Variants in FBXL20 observed in about 807,000 individuals in gnomAD.
FBXL20 encodes F-box/LRR-repeat protein 20.
Under a neutral mutation model 64.0 loss-of-function variants are expected in FBXL20, and 11 were observed. The observed-to-expected ratio is 0.17, with a 90% CI of 0.11 to 0.28. FBXL20 has a LOEUF of 0.28. FBXL20 is among the 10% of genes least tolerant of loss of function. The pLI is 1.00. For missense variants in FBXL20, 303 were observed against 526.2 expected (o/e 0.58, Z 4.15); for synonymous variants, 184 against 189.0 (o/e 0.97, Z 0.22).
rs542602446 is a variant in FBXL20 at position 39,397,855 on chromosome 17, C to G, written c.42+3506G>C. Among the ~76,000 whole-genome samples the G allele has an allele frequency of 1.6e-4, 22 of 140,236 alleles. No individual in the cohort carries two copies. In the East Asian group the frequency reaches 4.6e-3, roughly 29 times the overall value. The allele number at this position is 140,236 out of a possible 152,430, so 92.0% of individuals were successfully genotyped here. A position where few individuals can be genotyped will look rare whatever the true frequency, so the allele number is the denominator to read the frequency against. On this transcript the variant is annotated intron_variant, in intron 1 of 14. Coordinates refer to ENST00000264658, the MANE Select transcript of FBXL20 (RefSeq NM_032875.3). The stretch of plus-strand genomic sequence containing the variant: ...AAAAAAAGCAGGATGACAGTGGAGT[C>G]AAAAAAAAAAAATGCAGATTGGAAT...
At chr17:39,329,588 A>G (rs1446329654) in intron 2 of FBXL20, among the ~76,000 whole-genome samples, 2 of 152,182 alleles carry the variant, frequency 1.3e-5, no homozygotes, top group Admixed American at 6.6e-5. Context: ...GTATCTATCT[A>G]TCTATCTTAG....
At chr17:39,324,836 CA>C (rs1177034112) in intron 2 of FBXL20, among the ~76,000 whole-genome samples, 1 of 152,034 alleles carries the variant, frequency 6.6e-6, no homozygotes, top group Non-Finnish European at 1.5e-5. Context: ...TCTCTTAATC[CA>C]AATCCAACTG....
chr17:39,338,484 T>C (rs1217220509), intron 2 of FBXL20, among the ~76,000 whole-genome samples: 2 of 152,122 alleles, frequency 1.3e-5, no homozygotes, highest in African/African-American at 4.8e-5. Context: ...ACTATTGTCC[T>C]ATGACCCTGC....
At chr17:39,346,096 A>C (rs1191067667) in intron 1 of FBXL20, among the ~76,000 whole-genome samples, 2 of 152,046 alleles carry the variant, frequency 1.3e-5, no homozygotes, top group African/African-American at 4.8e-5. Context: ...CCAAGGTGGG[A>C]GGATGGCTTG....
intron 2 of FBXL20, among the ~76,000 whole-genome samples, chr17:39,313,924 A>G (rs2047260856): frequency 6.6e-6 from 1 of 152,128 alleles, no homozygotes; most frequent in Non-Finnish European, 1.5e-5. Context: ...CATGAACCAC[A>G]GTGCCCGGCC....
chr17:39,287,115 G>A (rs544136329), intron 6 of FBXL20, among the ~76,000 whole-genome samples: 16 of 151,918 alleles, frequency 1.1e-4, no homozygotes, highest in African/African-American at 3.9e-4. Context: ...TTTTCACCAT[G>A]TTGGCCAGGC....
chr17:39,295,958 T>A (rs1297703754), intron 6 of FBXL20, among the ~76,000 whole-genome samples: 3 of 152,038 alleles, frequency 2.0e-5, no homozygotes, highest in Non-Finnish European at 4.4e-5. Flanking sequence ...TAATAGACAT[T>A]GGGGAGTTTC....
intron 14 of FBXL20, 25 bp from the exon 15 acceptor site, chr17:39,261,592 C>A: frequency 3.2e-6 from 5 of 1,542,962 alleles, no homozygotes; most frequent in Non-Finnish European, 4.5e-6. Flanking sequence ...AAACATTAAA[C>A]GTTTAAGAGA....
intron 13 of FBXL20, among the ~76,000 whole-genome samples, chr17:39,264,609 A>T (rs896838556): frequency 3.7e-4 from 57 of 152,354 alleles, no homozygotes; most frequent in East Asian, 1.3e-3. Flanking sequence ...TATATTTTAT[A>T]AATTCATGTA....
At chr17:39,279,855 G>A (rs1246346154) in intron 9 of FBXL20, among the ~76,000 whole-genome samples, 2 of 151,894 alleles carry the variant, frequency 1.3e-5, no homozygotes, top group South Asian at 2.1e-4. Flanking sequence ...TCACACCACC[G>A]CATTCCAGCC....
intron 2 of FBXL20, among the ~76,000 whole-genome samples, chr17:39,312,918 C>CTTTTTT (rs56972736): frequency 9.0e-6 from 1 of 110,610 alleles, no homozygotes; most frequent in African/African-American, 3.8e-5. Context: ...AAGATAGTTA[C>CTTTTTT]TTTTTTTTTT....
At chr17:39,270,675 C>A (rs373791962) in intron 11 of FBXL20, 121 bp downstream of exon 11, 1 of 765,728 alleles carries the variant, frequency 1.3e-6, no homozygotes, top group Non-Finnish European at 2.1e-6. Flanking sequence ...GCATGAAACC[C>A]CGTCTCACTC....
intron 6 of FBXL20, among the ~76,000 whole-genome samples, chr17:39,287,322 T>C (rs1402891555): frequency 2.0e-5 from 3 of 152,216 alleles, no homozygotes; most frequent in African/African-American, 7.2e-5. Context: ...AGTTGATTTG[T>C]TCAAATTAGG....
At chr17:39,401,980 C>T, upstream of FBXL20, 1 of 467,440 alleles carries the variant, frequency 2.1e-6, no homozygotes, top group Non-Finnish European at 3.4e-6. Flanking sequence ...AGAGCAGTAC[C>T]GCACTCTGCG....
chr17:39,368,146 T>C (rs972849776), intron 1 of FBXL20, among the ~76,000 whole-genome samples: 1 of 152,150 alleles, frequency 6.6e-6, no homozygotes, highest in Non-Finnish European at 1.5e-5. Context: ...CTCAACACTT[T>C]GGGAGGCCAA....
intron 1 of FBXL20, among the ~76,000 whole-genome samples, chr17:39,349,732 C>A (rs887295728): frequency 6.6e-6 from 1 of 152,024 alleles, no homozygotes; most frequent in Non-Finnish European, 1.5e-5. Flanking sequence ...GTCAGGAGAT[C>A]GAGACCATCC....
In FBXL20 at chr17:39,353,010, C is replaced by A. The variant is rs540116619; in HGVS notation, c.43-9769G>T. ...CTTTTTCTTTACCCCTTTCTCAATTCTGCTGCTTAGAATAGGATTAGGATG... is the reference window on the plus strand; with the variant it reads ...CTTTTTCTTTACCCCTTTCTCAATTATGCTGCTTAGAATAGGATTAGGATG... On this transcript the variant is annotated intron_variant, in intron 1 of 14. Coordinates refer to ENST00000264658, the MANE Select transcript of FBXL20 (RefSeq NM_032875.3). Among the ~76,000 whole-genome samples the A allele has an allele frequency of 1.6e-4, 25 of 152,178 alleles. No homozygotes were observed. In the East Asian group the frequency reaches 4.6e-3, roughly 28 times the overall value.
At chr17:39,264,021 A>G in intron 14 of FBXL20, 154 bp downstream of exon 14, 2 of 793,348 alleles carry the variant, frequency 2.5e-6, no homozygotes, top group Non-Finnish European at 3.9e-6. Context: ...GGGAAAAACT[A>G]TCTGTCCTTA....
rs185851753 is a variant in FBXL20 at position 39,260,399 on chromosome 17, C to A, written c.*1061G>T. 3.4e-4 allele frequency: 51 copies of A among 152,182 alleles called. No homozygotes were observed. Among genetic ancestry groups the A allele is most frequent in the African/African-American group, 1.2e-3 (49 of 41,524 alleles). 9.4% of individuals were successfully genotyped at this position (152,182 alleles called of 1,614,324 possible). On this transcript the variant is annotated 3_prime_UTR_variant, in exon 15 of 15. Transcript: ENST00000264658. ...TTCCTTATGATACAGTTGGTGGAGT[C>A]TGACAGAAGGAAGAATATGTAGGGG...
Sources: gnomAD v4.1 joint callset for allele counts (sites outside exome capture counted in the v4.1 genomes callset) on GRCh38, gnomAD v4.1.1 for gene constraint, MANE v1.5 for transcripts, NCBI Gene and HGNC (gene_info 2026-07-23, HGNC 2026-07-21) for gene names.